LRIG2: variants seen among roughly 807,000 people sequenced by gnomAD.
LRIG2 encodes leucine-rich repeats and immunoglobulin-like domains protein 2.
Under a neutral mutation model 107.8 loss-of-function variants are expected in LRIG2, and 93 were observed. The ratio of observed to expected loss-of-function variants is 0.86; its 90% CI spans 0.73 to 1.03. The LOEUF is 1.03. Among genes scored for constraint, LRIG2 ranks in the 50% least tolerant of loss-of-function variants. LRIG2 has a pLI of 0.00. For synonymous variants in LRIG2, 471 were observed against 470.6 expected, an observed-to-expected ratio of 1.00 and a Z score of -0.01; for missense variants, 1,226 against 1,296.0, an observed-to-expected ratio of 0.95 and a Z score of 0.83.
chr1:113,112,375 A>G (rs1654805897), intron 13 of LRIG2, 104 bp from the exon 14 acceptor site: 16 of 972,114 alleles, frequency 1.6e-5, no homozygotes, highest in Non-Finnish European at 2.2e-5. Flanking sequence ...GAAATGGAAC[A>G]TTAGGGGGTG....
chr1:113,098,634 C>T (rs1570747700), intron 8 of LRIG2, 71 bp from the exon 9 acceptor site: 1 of 913,598 alleles, frequency 1.1e-6, no homozygotes, highest in South Asian at 1.3e-5. Flanking sequence ...CATCACCATA[C>T]CAGGATACTG....
intron 15 of LRIG2, among the ~76,000 whole-genome samples, chr1:113,115,529 A>ATT (rs56081345): frequency 2.8e-5 from 4 of 141,518 alleles, no homozygotes; most frequent in Admixed American, 1.4e-4. Context: ...GAATTTGTAA[A>ATT]TTTTTTTTTT....
At chr1:113,074,916 G>C (rs549858267) in intron 1 of LRIG2, among the ~76,000 whole-genome samples, 1 of 132,210 alleles carries the variant, frequency 7.6e-6, no homozygotes, top group East Asian at 2.4e-4. Context: ...TGGGGGGAGG[G>C]AGGGTCGGGG....
At chr1:113,117,205 T>C (rs1347943702) in intron 16 of LRIG2, among the ~76,000 whole-genome samples, 1 of 152,202 alleles carries the variant, frequency 6.6e-6, no homozygotes, top group Admixed American at 6.5e-5. Flanking sequence ...TGGGTTTAAT[T>C]GATACTTCTT....
rs1324344812 is a variant in LRIG2, at chr1:113,132,126, C to T, written c.*8025C>T. 1 of 151,850 alleles carries T rather than the reference C, an allele frequency of 6.6e-6. No individual in the cohort carries two copies. The highest frequency in any genetic ancestry group is 2.4e-5 in the African/African-American group (1 of 41,318). The allele number at this position is 151,850 out of a possible 1,614,324, so 9.4% of individuals were successfully genotyped here. On this transcript the variant is annotated 3_prime_UTR_variant, in exon 18 of 18. Transcript: ENST00000361127. ...ACCTAAACAGAGATACAAGCCAAGT[C>T]ATTGTTCAGTGTAGTCATTTCTTAG...
rs1413458647 is a variant in LRIG2 at position 113,119,518 on chromosome 1, G to T, written c.2966G>T (p.Ser989Ile). Residue 989 changes from serine (S) to isoleucine (I), a missense_variant, in exon 17 of 18, where the codon AGC (serine) becomes ATC (isoleucine). Ser to Ile is a moderately radical substitution (Grantham distance 142). Coordinates refer to ENST00000361127, the MANE Select transcript of LRIG2 (RefSeq NM_014813.3). ...SEKKLPSTQMSGETLQRPVWN... is the reference protein window; with the variant it reads ...SEKKLPSTQMIGETLQRPVWN... ...AAGAAACTTCCCTCCACACAGATGA[G>T]CGGTGGTAAGGGATGTATTTTTGTT... 5 of 1,613,516 alleles carry T rather than the reference G, an allele frequency of 3.1e-6. No individual in the cohort carries two copies. Among genetic ancestry groups the T allele is most frequent in the South Asian group, 1.1e-5 (1 of 91,052 alleles).
chr1:113,120,210 G>T (rs1419194485), intron 17 of LRIG2, among the ~76,000 whole-genome samples: 1 of 151,790 alleles, frequency 6.6e-6, no homozygotes, highest in Admixed American at 6.6e-5. Context: ...AGCACTTTCG[G>T]AGGCCAAAGC....
At position 113,127,041 on chromosome 1, in the gene LRIG2, G is replaced by C. The variant is rs1455319234; in HGVS notation, c.*2940G>C. 2.0e-5 allele frequency: 3 copies of C among 152,156 alleles called. No individual in the cohort carries two copies. Among genetic ancestry groups the C allele is most frequent in the African/African-American group, 7.2e-5 (3 of 41,438 alleles). 9.4% of individuals were successfully genotyped at this position (152,156 alleles called of 1,614,324 possible). ...CTGAGTTTCAGTTGTTTCTAGTTGT[G>C]TTCACTTTGTGCTTTCTCTGAATGG... On this transcript the variant is annotated 3_prime_UTR_variant, in exon 18 of 18. Coordinates refer to ENST00000361127, the MANE Select transcript of LRIG2 (RefSeq NM_014813.3).
rs1016844756 is a variant in LRIG2 at position 113,131,921 on chromosome 1, A to G, written c.*7820A>G. On this transcript the variant is annotated 3_prime_UTR_variant, in exon 18 of 18. Transcript: ENST00000361127. Reference sequence around the variant, plus strand: ...AGATAAAGGAGTAAAGTGATCTACAAACTGTAACTATCTTGAAAGAGAAAT... The same window carrying G: ...AGATAAAGGAGTAAAGTGATCTACAGACTGTAACTATCTTGAAAGAGAAAT... 1.3e-5 allele frequency: 2 copies of G among 152,018 alleles called. No homozygotes were observed. The highest frequency in any genetic ancestry group is 2.1e-4 in the South Asian group (1 of 4,798). The allele number at this position is 152,018 out of a possible 1,614,324, so 9.4% of individuals were successfully genotyped here. A position where few individuals can be genotyped will look rare whatever the true frequency, so the allele number is the denominator to read the frequency against.
intron 1 of LRIG2, among the ~76,000 whole-genome samples, chr1:113,082,852 T>C (rs1653350321): frequency 6.6e-6 from 1 of 152,090 alleles, no homozygotes; most frequent in African/African-American, 2.4e-5. Context: ...GATGGGGTTT[T>C]GCCATGTTGG....
In LRIG2 at chr1:113,125,579, T is replaced by C. The variant is rs1296364369; in HGVS notation, c.*1478T>C. The C allele has an allele frequency of 6.6e-6, 1 of 152,218 alleles. No homozygotes were observed. Among genetic ancestry groups the C allele is most frequent in the East Asian group, 1.9e-4 (1 of 5,200 alleles). The allele number at this position is 152,218 out of a possible 1,614,324, so 9.4% of individuals were successfully genotyped here. On this transcript the variant is annotated 3_prime_UTR_variant, in exon 18 of 18. Transcript: ENST00000361127. ...TATGTATAATGAACGCTTCAAAAAC[T>C]GGAGGCTGATTTAAAGATTGCAGAA...
At chr1:113,108,569 T>C (rs1654636758) in intron 12 of LRIG2, among the ~76,000 whole-genome samples, 1 of 151,726 alleles carries the variant, frequency 6.6e-6, no homozygotes, top group East Asian at 2.0e-4. Context: ...TTTGGAAAAT[T>C]TTCCTTTACA....
intron 1 of LRIG2, among the ~76,000 whole-genome samples, chr1:113,089,839 C>T (rs1054436339): frequency 1.3e-5 from 2 of 151,760 alleles, no homozygotes; most frequent in African/African-American, 2.4e-5. Context: ...ATTACAGGTG[C>T]GTGCCACCAT....
At chr1:113,117,393 C>T (rs1655065642) in intron 16 of LRIG2, among the ~76,000 whole-genome samples, 1 of 152,240 alleles carries the variant, frequency 6.6e-6, no homozygotes, top group Non-Finnish European at 1.5e-5. Context: ...TATTCCATTT[C>T]TTCAGAGACT....
At chr1:113,089,726 G>A (rs1268887719) in intron 1 of LRIG2, among the ~76,000 whole-genome samples, 2 of 116,942 alleles carry the variant, frequency 1.7e-5, no homozygotes, top group East Asian at 6.0e-4. Context: ...TTGTCACCGA[G>A]GCTGGAGTGC....
intron 12 of LRIG2, among the ~76,000 whole-genome samples, chr1:113,109,841 T>C (rs1654696762): frequency 6.6e-6 from 1 of 152,172 alleles, no homozygotes; most frequent in Non-Finnish European, 1.5e-5. Context: ...ATCTATCACA[T>C]ACATATATAC....
chr1:113,130,125 A>G lies in LRIG2; in HGVS notation c.*6024A>G, dbSNP rs1354914235. ...GATCACAAACTCCTGGGCTCAAGCAATCTCCCCACTTAGGCCTCCCAAAGT... is the reference window on the plus strand; with the variant it reads ...GATCACAAACTCCTGGGCTCAAGCAGTCTCCCCACTTAGGCCTCCCAAAGT... On this transcript the variant is annotated 3_prime_UTR_variant, in exon 18 of 18. Transcript: ENST00000361127. 1.3e-5 allele frequency: 2 copies of G among 152,170 alleles called. No homozygotes were observed. Among genetic ancestry groups the G allele is most frequent in the Non-Finnish European group, 2.9e-5 (2 of 68,090 alleles). The allele number at this position is 152,170 out of a possible 1,614,324, so 9.4% of individuals were successfully genotyped here.
At chr1:113,098,650 T>C in intron 8 of LRIG2, 55 bp from the exon 9 acceptor site, 1 of 1,038,378 alleles carries the variant, frequency 9.6e-7, no homozygotes, top group Non-Finnish European at 1.5e-6. Flanking sequence ...TACTGCTCAA[T>C]GTTGTGATGG....
At chr1:113,104,125 C>T (rs1654431072) in intron 11 of LRIG2, among the ~76,000 whole-genome samples, 1 of 152,210 alleles carries the variant, frequency 6.6e-6, no homozygotes, top group Non-Finnish European at 1.5e-5. Context: ...TAAGATCTCC[C>T]CAGACTGCAT....
Sources: allele counts gnomAD v4.1 joint callset (sites outside exome capture counted in the v4.1 genomes callset), GRCh38; gene constraint gnomAD v4.1.1; transcripts MANE v1.5; gene names NCBI Gene and HGNC (gene_info 2026-07-23, HGNC 2026-07-21).